The following DOCK3 variants were observed in gnomAD, a reference collection of about 807,000 sequenced individuals.
The protein encoded by DOCK3 is dedicator of cytokinesis protein 3.
In DOCK3, 60 loss-of-function variants were observed where a neutral mutation model predicts 265.6. The ratio of observed to expected loss-of-function variants is 0.23; its 90% confidence interval spans 0.18 to 0.28. The LOEUF is 0.28. Among genes scored for constraint, DOCK3 ranks in the 10% least tolerant of loss-of-function variants. DOCK3 has a pLI of 1.00. For synonymous variants in DOCK3, 881 were observed against 938.0 expected (o/e 0.94, Z 1.11); for missense variants, 1,981 against 2,594.3 (o/e 0.76, Z 5.14).
chr3:51,185,100 A>G (rs1214513786), intron 12 of DOCK3, among the ~76,000 whole-genome samples: 1 of 152,246 alleles, frequency 6.6e-6, no homozygotes, highest in Non-Finnish European at 1.5e-5. Context: ...ACGAGACATG[A>G]TACCTCAATG....
At chr3:51,006,127 G>T (rs2078667062) in intron 5 of DOCK3, among the ~76,000 whole-genome samples, 1 of 151,986 alleles carries the variant, frequency 6.6e-6, no homozygotes, top group Non-Finnish European at 1.5e-5. Context: ...TCCCCCCTTA[G>T]TTATCTTCAT....
rs187413146 is a variant in DOCK3, at chr3:50,720,218, G to A, written c.37+44918G>A. On this transcript the variant is annotated intron_variant, in intron 1 of 52. Transcript: ENST00000266037. ...AAATTGCGTGTTATGGAGGTTTGTC[G>A]TATGATTATTTCGTCACCCAGGTAG... Among the ~76,000 whole-genome samples the A allele has an allele frequency of 2.0e-4, 30 of 152,016 alleles. 1 individual carries two copies. The highest frequency in any genetic ancestry group is 1.3e-3 in the South Asian group (6 of 4,796).
At chr3:51,055,103 T>C in intron 5 of DOCK3, among the ~76,000 whole-genome samples, 1 of 152,222 alleles carries the variant, frequency 6.6e-6, no homozygotes, top group East Asian at 1.9e-4. Flanking sequence ...GAAGAGGGCC[T>C]GGCTTTTGAT....
intron 2 of DOCK3, among the ~76,000 whole-genome samples, chr3:50,818,518 A>T (rs944232495): frequency 6.6e-6 from 1 of 152,246 alleles, no homozygotes; most frequent in African/African-American, 2.4e-5. Flanking sequence ...ACAAAATGTT[A>T]TAGTTCCTCT....
intron 3 of DOCK3, among the ~76,000 whole-genome samples, chr3:50,856,942 CAT>C (rs1461469124): frequency 6.6e-5 from 10 of 152,174 alleles, no homozygotes; most frequent in South Asian, 4.1e-4. Context: ...GAGATGATCA[CAT>C]GTTTTCTAAA....
intron 27 of DOCK3, among the ~76,000 whole-genome samples, chr3:51,307,589 T>C (rs2082756187): frequency 6.6e-6 from 1 of 152,180 alleles, no homozygotes; most frequent in African/African-American, 2.4e-5. Flanking sequence ...CTCACTGTCA[T>C]TGCTCCAGCA....
chr3:50,880,558 C>T, intron 3 of DOCK3: 1 of 189,488 alleles, frequency 5.3e-6, no homozygotes, highest in South Asian at 8.0e-5. Flanking sequence ...ATATATACAC[C>T]CTCCCAGGAC....
intron 10 of DOCK3, 120 bp downstream of exon 10, chr3:51,146,750 G>A: frequency 3.8e-6 from 3 of 792,472 alleles, no homozygotes; most frequent in Non-Finnish European, 5.9e-6. Flanking sequence ...GGGGAGAATA[G>A]GACTTGATTT....
intron 8 of DOCK3, among the ~76,000 whole-genome samples, chr3:51,089,882 G>A (rs2082571272): frequency 7.7e-6 from 1 of 129,288 alleles, no homozygotes; most frequent in African/African-American, 3.0e-5. Flanking sequence ...CTGGGTGACA[G>A]AGTGAGACTC....
intron 1 of DOCK3, among the ~76,000 whole-genome samples, chr3:50,732,087 C>G (rs2038251898): frequency 6.6e-6 from 1 of 151,658 alleles, no homozygotes; most frequent in Non-Finnish European, 1.5e-5. Flanking sequence ...TTGGGTGCTG[C>G]ATTTCTTTCA....
chr3:51,153,323 T>C (rs1189631073), intron 10 of DOCK3, among the ~76,000 whole-genome samples: 1 of 152,182 alleles, frequency 6.6e-6, no homozygotes, highest in East Asian at 1.9e-4. Flanking sequence ...AGGCACAGGA[T>C]GTAATCTCCT....
chr3:51,309,185 G>T (rs918399263), intron 27 of DOCK3, among the ~76,000 whole-genome samples: 3 of 152,124 alleles, frequency 2.0e-5, no homozygotes, highest in African/African-American at 7.2e-5. Flanking sequence ...ACGGGGTGGC[G>T]GCCGGGCAGA....
At chr3:51,174,195 CT>C (rs2086825962) in intron 12 of DOCK3, among the ~76,000 whole-genome samples, 1 of 152,146 alleles carries the variant, frequency 6.6e-6, no homozygotes, top group Admixed American at 6.5e-5. Flanking sequence ...TGGCTCACCC[CT>C]GTAATCCCAG....
chr3:50,802,886 T>C (rs941263712), intron 2 of DOCK3, among the ~76,000 whole-genome samples: 6 of 152,052 alleles, frequency 3.9e-5, no homozygotes, highest in Non-Finnish European at 1.5e-5. Flanking sequence ...CACCTTTCCC[T>C]TCTCTTCTCC....
rs1259400503 is a variant in DOCK3 at position 51,119,983 on chromosome 3, C to T, written c.747-26566C>T. Among the ~76,000 whole-genome samples the T allele has an allele frequency of 9.9e-5, 15 of 152,076 alleles. 1 individual carries two copies. The highest frequency in any genetic ancestry group is 9.8e-4 in the Admixed American group (15 of 15,276). ...CTTCTGTCAATTCATCAGACTCATT[C>T]TCTGTCCAGTTTTGTTGCCTTGCTA... On this transcript the variant is annotated intron_variant, in intron 9 of 52. Coordinates refer to ENST00000266037, the MANE Select transcript of DOCK3 (RefSeq NM_004947.5).
chr3:51,012,303 C>T (rs560554222), intron 5 of DOCK3, among the ~76,000 whole-genome samples: 3 of 152,258 alleles, frequency 2.0e-5, no homozygotes, highest in East Asian at 3.9e-4. Flanking sequence ...CCACCCAGTT[C>T]GAGCTTCGAG....
chr3:50,984,951 T>C (rs1349018910), intron 5 of DOCK3, among the ~76,000 whole-genome samples: 1 of 152,246 alleles, frequency 6.6e-6, no homozygotes, highest in South Asian at 2.1e-4. Context: ...CTGTGCCGTT[T>C]TATGTAAGTG....
At chr3:50,765,455 T>C (rs2040817910) in intron 1 of DOCK3, among the ~76,000 whole-genome samples, 1 of 152,106 alleles carries the variant, frequency 6.6e-6, no homozygotes, top group Admixed American at 6.6e-5. Context: ...AACTTGTAGA[T>C]TTATTCTTCA....
At chr3:50,957,902 A>G (rs2076771495) in intron 5 of DOCK3, among the ~76,000 whole-genome samples, 1 of 152,148 alleles carries the variant, frequency 6.6e-6, no homozygotes, top group Non-Finnish European at 1.5e-5. Flanking sequence ...TCCACTCCAC[A>G]ATTTCCCTAG....
Sources: allele counts gnomAD v4.1 joint callset (sites outside exome capture counted in the v4.1 genomes callset), GRCh38; gene constraint gnomAD v4.1.1; transcripts MANE v1.5; gene names NCBI Gene and HGNC (gene_info 2026-07-23, HGNC 2026-07-21).